Variants in PAPPA2 observed in about 807,000 individuals in gnomAD.
PAPPA2 encodes the protein pappalysin-2.
In PAPPA2, 86 loss-of-function variants were observed where a neutral mutation model predicts 176.4. That is an observed-to-expected ratio of 0.49 (90% CI 0.41 to 0.58). The LOEUF (loss-of-function observed/expected upper bound fraction) is 0.58. Among genes scored for constraint, PAPPA2 ranks in the 20% least tolerant of loss-of-function variants. PAPPA2 has a pLI of 0.00. For synonymous variants in PAPPA2, 809 were observed against 852.2 expected (o/e 0.95, Z 0.88); for missense variants, 2,073 against 2,256.9 (o/e 0.92, Z 1.65).
intron 9 of PAPPA2, among the ~76,000 whole-genome samples, chr1:176,704,284 T>G (rs1660784084): frequency 6.6e-6 from 1 of 152,206 alleles, no homozygotes; most frequent in South Asian, 2.1e-4. Context: ...CTATGTTTTC[T>G]TCTCTGTGTA....
At chr1:176,488,478 G>C (rs1435905919) in intron 1 of PAPPA2, among the ~76,000 whole-genome samples, 1 of 152,092 alleles carries the variant, frequency 6.6e-6, no homozygotes, top group Non-Finnish European at 1.5e-5. Context: ...AATTAGATTT[G>C]AGTACAATCT....
Position 176,833,664 on chromosome 1 carries a change from G to A in PAPPA2, c.5203-6509G>A, listed in dbSNP as rs532855424. Among the ~76,000 whole-genome samples, 7 of 152,166 alleles carry A rather than the reference G, an allele frequency of 4.6e-5. No individual in the cohort carries two copies. The South Asian group carries it at 1.5e-3, about 32-fold the overall frequency. On this transcript the variant is annotated intron_variant, in intron 21 of 22. Transcript: ENST00000367662. The stretch of plus-strand genomic sequence containing the variant: ...TAACATTTTAGATGGTTTATAGAGG[G>A]GTAATTCTTACATAGTATATTCTAC...
intron 17 of PAPPA2, among the ~76,000 whole-genome samples, chr1:176,773,082 G>A (rs1182985324): frequency 6.6e-6 from 1 of 152,052 alleles, no homozygotes; most frequent in Admixed American, 6.6e-5. Context: ...GGGTTTGAGG[G>A]GCATTTGTGG....
At chr1:176,678,525 C>G (rs111776919) in intron 4 of PAPPA2, among the ~76,000 whole-genome samples, 9,943 of 151,826 alleles carry the variant, frequency 0.065, 357 homozygotes, top group South Asian at 0.14. Context: ...ACCACCTCTT[C>G]TATTACTGTT....
At chr1:176,562,899 C>T (rs191611887) in intron 2 of PAPPA2, among the ~76,000 whole-genome samples, 4 of 152,234 alleles carry the variant, frequency 2.6e-5, no homozygotes, top group South Asian at 2.1e-4. Flanking sequence ...CCCTTTTTCT[C>T]GAAGCCTGTG....
At chr1:176,539,631 T>C (rs1259993083) in intron 1 of PAPPA2, among the ~76,000 whole-genome samples, 3 of 152,146 alleles carry the variant, frequency 2.0e-5, no homozygotes, top group South Asian at 2.1e-4. Flanking sequence ...ATTTTTTTTT[T>C]CCTAACAAGC....
At chr1:176,490,273 A>G (rs1417694826) in intron 1 of PAPPA2, among the ~76,000 whole-genome samples, 1 of 152,144 alleles carries the variant, frequency 6.6e-6, no homozygotes, top group East Asian at 1.9e-4. Context: ...CCTATGATGA[A>G]TGCATTATCC....
At chr1:176,465,439 G>A (rs1212770213) in intron 1 of PAPPA2, among the ~76,000 whole-genome samples, 1 of 152,098 alleles carries the variant, frequency 6.6e-6, no homozygotes, top group African/African-American at 2.4e-5. Context: ...CAAGTTGACA[G>A]GTGACAACGT....
chr1:176,773,261 G>A (rs1252947855), intron 17 of PAPPA2, among the ~76,000 whole-genome samples: 5 of 152,120 alleles, frequency 3.3e-5, no homozygotes, highest in African/African-American at 1.2e-4. Context: ...AGCAGGTGGC[G>A]GATTGGTAAT....
chr1:176,582,627 TG>T (rs373108621), intron 2 of PAPPA2, among the ~76,000 whole-genome samples: 3,302 of 152,300 alleles, frequency 0.022, 75 homozygotes, highest in African/African-American at 0.059. Flanking sequence ...TCATAGTGTA[TG>T]TTTTTTTTTA....
At chr1:176,760,798 G>A (rs1191826223) in intron 14 of PAPPA2, among the ~76,000 whole-genome samples, 1 of 152,058 alleles carries the variant, frequency 6.6e-6, no homozygotes, top group Non-Finnish European at 1.5e-5. Flanking sequence ...TCAATCAAAA[G>A]CATGGTTTTT....
intron 3 of PAPPA2, among the ~76,000 whole-genome samples, chr1:176,602,974 G>A (rs905300475): frequency 7.2e-5 from 11 of 152,224 alleles, no homozygotes; most frequent in African/African-American, 2.7e-4. Context: ...CTGTTCACCT[G>A]GCTTGTGGAC....
At chr1:176,710,496 A>G (rs1339044700) in intron 11 of PAPPA2, among the ~76,000 whole-genome samples, 1 of 152,206 alleles carries the variant, frequency 6.6e-6, no homozygotes, top group Non-Finnish European at 1.5e-5. Context: ...ATTGATTTAA[A>G]GAAGTTTTAT....
chr1:176,670,878 G>C (rs1251246912), intron 3 of PAPPA2, 92 bp from the exon 4 acceptor site: 1 of 1,501,580 alleles, frequency 6.7e-7, no homozygotes, highest in East Asian at 2.3e-5. Context: ...TGCTGGCTGG[G>C]AGTGCCATTA....
At chr1:176,725,502 C>T (rs1253193251) in intron 12 of PAPPA2, among the ~76,000 whole-genome samples, 1 of 152,134 alleles carries the variant, frequency 6.6e-6, no homozygotes, top group Admixed American at 6.5e-5. Flanking sequence ...CCTTAAGGTA[C>T]ATACATAGCA....
chr1:176,791,374 C>A lies in PAPPA2; in HGVS notation c.4912C>A (p.Leu1638Met), dbSNP rs1478048584. 1 of 1,611,104 alleles carries A rather than the reference C, an allele frequency of 6.2e-7. No homozygotes were observed. Among genetic ancestry groups the A allele is most frequent in the Non-Finnish European group, 8.5e-7 (1 of 1,177,528 alleles). ...TCCCATCCTCTGCACTAAAGAGGGC[C>A]TGTGGACCCAGGAGTTTAAGTTGTG... is the stretch of plus-strand genomic sequence containing the variant. ...KLPILCTKEG[L>M]WTQEFKLCEN... is the part of the protein sequence containing the mutation. Residue 1638 changes from leucine to methionine, a missense_variant, in exon 19 of 23, where the codon CTG becomes ATG. Around this residue, in one of 4 missense-constraint regions of PAPPA2, gnomAD observed 846 missense variants for 857.9 expected, o/e 0.99. Transcript: ENST00000367662.
intron 1 of PAPPA2, among the ~76,000 whole-genome samples, chr1:176,492,778 G>A (rs1486686893): frequency 6.6e-6 from 1 of 152,108 alleles, no homozygotes; most frequent in Non-Finnish European, 1.5e-5. Context: ...GAGCTTAATG[G>A]TTTCCAAAGC....
chr1:176,585,880 A>T lies in PAPPA2; in HGVS notation c.920-8644A>T, dbSNP rs562624977. On this transcript the variant is annotated intron_variant, in intron 2 of 22. Transcript: ENST00000367662. ...ATTGAATTTCTCATTCAAATAATGA[A>T]TTTTTTTATTTTGTTTAACCATCTA... Among the ~76,000 whole-genome samples, 47 of 152,156 alleles carry T rather than the reference A, an allele frequency of 3.1e-4. No individual in the cohort carries two copies. In the South Asian group the frequency reaches 9.3e-3, roughly 30 times the overall value.
At chr1:176,508,798 TC>T in intron 1 of PAPPA2, among the ~76,000 whole-genome samples, 1 of 151,770 alleles carries the variant, frequency 6.6e-6, no homozygotes, top group Non-Finnish European at 1.5e-5. Context: ...TGTAACACTG[TC>T]CCCCTTCACC....
Sources: gnomAD v4.1 joint callset for allele counts (sites outside exome capture counted in the v4.1 genomes callset) on GRCh38, gnomAD v4.1.1 for gene constraint, gnomAD v4.1.1 regional missense constraint, MANE v1.5 for transcripts, NCBI Gene and HGNC (gene_info 2026-07-23, HGNC 2026-07-21) for gene names.